The following CFAP47 variants were observed in gnomAD, a reference collection of about 807,000 sequenced individuals.
The protein encoded by CFAP47 is cilia- and flagella-associated protein 47.
A neutral mutation model predicts 148.1 loss-of-function variants in CFAP47; 29 were observed. That is an observed-to-expected ratio of 0.20 (90% confidence interval 0.15 to 0.27). The LOEUF (loss-of-function observed/expected upper bound fraction) is 0.27. Ranked by LOEUF, CFAP47 falls within the 10% of genes least tolerant of loss-of-function variation. The probability of loss-of-function intolerance (pLI) is 1.00; values close to 1 mark genes in which losing one functional copy is unlikely to be tolerated. For missense variants in CFAP47, 1,872 were observed against 1,697.5 expected (o/e 1.10, Z -1.81); for synonymous variants, 664 against 577.3 (o/e 1.15, Z -2.15).
chrX:35,924,314 T>C lies in CFAP47; in HGVS notation c.250-1703T>C, dbSNP rs191035481. The stretch of plus-strand genomic sequence containing the variant: ...GTATGTGTACACATATGTATATATG[T>C]ACATGTATGTGTATATGTGTACATA... On this transcript the variant is annotated intron_variant, in intron 1 of 63. Transcript: ENST00000378653. Among the ~76,000 whole-genome samples, 92 of 106,627 alleles carry C rather than the reference T, an allele frequency of 8.6e-4. 8 individuals are homozygous for C. Among genetic ancestry groups the C allele is most frequent in the African/African-American group, 3.2e-3 (89 of 27,903 alleles). 92.6% of individuals were successfully genotyped at this position (106,627 alleles called of 115,157 possible).
intron 59 of CFAP47, among the ~76,000 whole-genome samples, chrX:36,351,941 T>G (rs1201877611): frequency 8.9e-6 from 1 of 111,955 alleles, no homozygotes. Flanking sequence ...TGCTCACCTA[T>G]ATCATTAGCA....
chrX:36,083,831 G>A (rs775764716), intron 29 of CFAP47, among the ~76,000 whole-genome samples: 25 of 110,791 alleles, frequency 2.3e-4, no homozygotes, highest in Non-Finnish European at 4.0e-4. Flanking sequence ...GGCAACTATG[G>A]AGTTATTAAA....
At chrX:36,116,360 C>T (rs1444671421) in intron 33 of CFAP47, among the ~76,000 whole-genome samples, 1 of 112,182 alleles carries the variant, frequency 8.9e-6, no homozygotes, top group African/African-American at 3.2e-5. Context: ...ATAATGGCCT[C>T]CAGCTCCATC....
intron 30 of CFAP47, among the ~76,000 whole-genome samples, chrX:36,087,099 T>C (rs1569254777): frequency 9.0e-6 from 1 of 111,702 alleles, no homozygotes; most frequent in East Asian, 2.8e-4. Context: ...AATATAGGAA[T>C]CCCTCTCCCT....
chrX:36,333,649 C>T (rs1204162548), intron 57 of CFAP47, among the ~76,000 whole-genome samples: 5 of 111,368 alleles, frequency 4.5e-5, no homozygotes, highest in Admixed American at 3.8e-4. Flanking sequence ...CCTCAATTAC[C>T]TGCTCTTTAC....
chrX:36,057,359 G>A (rs1249528358), intron 26 of CFAP47, among the ~76,000 whole-genome samples: 7 of 111,764 alleles, frequency 6.3e-5, no homozygotes, highest in African/African-American at 2.3e-4. Flanking sequence ...AAATTAAACT[G>A]TGAATGGGAA....
At chrX:36,119,172 A>C (rs1231214879) in intron 33 of CFAP47, among the ~76,000 whole-genome samples, 2 of 112,034 alleles carry the variant, frequency 1.8e-5, no homozygotes, top group East Asian at 5.6e-4. Flanking sequence ...AAAGGCTTTC[A>C]GTTATTCCCC....
intron 8 of CFAP47, among the ~76,000 whole-genome samples, chrX:35,962,960 T>C (rs1053667447): frequency 9.2e-6 from 1 of 108,602 alleles, no homozygotes; most frequent in African/African-American, 3.3e-5. Flanking sequence ...TGTGTGTGTG[T>C]GTGTGTGTGT....
intron 49 of CFAP47, among the ~76,000 whole-genome samples, chrX:36,260,276 T>C (rs782287324): frequency 7.5e-4 from 84 of 112,157 alleles, no homozygotes; most frequent in South Asian, 5.2e-3. Flanking sequence ...CAAATGATAG[T>C]TCAAAATTCT....
intron 40 of CFAP47, among the ~76,000 whole-genome samples, chrX:36,181,737 G>T (rs1383571548): frequency 8.9e-6 from 1 of 111,804 alleles, no homozygotes; most frequent in Admixed American, 9.5e-5. Flanking sequence ...GAATAACTCA[G>T]AGCCATACAT....
At chrX:36,235,590 C>T (rs897558016) in intron 46 of CFAP47, among the ~76,000 whole-genome samples, 44 of 112,547 alleles carry the variant, frequency 3.9e-4, no homozygotes, top group South Asian at 1.5e-3. Flanking sequence ...CAATGCCTCG[C>T]CCTGCTTCGG....
At chrX:36,013,692 C>G (rs961921388) in intron 21 of CFAP47, among the ~76,000 whole-genome samples, 1 of 111,560 alleles carries the variant, frequency 9.0e-6, no homozygotes, top group Non-Finnish European at 1.9e-5. Flanking sequence ...GAATTTGACT[C>G]CATAATTTTG....
In CFAP47 at chrX:36,125,593, G is replaced by A. The variant is rs142929738; in HGVS notation, c.5321-12365G>A. Among the ~76,000 whole-genome samples the A allele has an allele frequency of 5.1e-3, 562 of 110,436 alleles. 5 individuals carry two copies. Among genetic ancestry groups the A allele is most frequent in the African/African-American group, 0.018 (532 of 30,373 alleles). On this transcript the variant is annotated intron_variant, in intron 33 of 63. Coordinates refer to ENST00000378653, the MANE Select transcript of CFAP47 (RefSeq NM_001304548.2). ...TACATAAGTAAATATATGTTTATTC[G>A]CCAACTGTTTTATCAATGTTTCCAT...
intron 57 of CFAP47, among the ~76,000 whole-genome samples, chrX:36,328,702 G>C (rs782128571): frequency 0.027 from 2,895 of 106,896 alleles, 37 homozygotes; most frequent in Non-Finnish European, 0.041. Context: ...CCCAGCTACT[G>C]GGGAGGCTGA....
intron 60 of CFAP47, among the ~76,000 whole-genome samples, chrX:36,355,423 A>G (rs1487488911): frequency 8.9e-6 from 1 of 112,130 alleles, no homozygotes; most frequent in African/African-American, 3.2e-5. Flanking sequence ...CTGTATTCCA[A>G]TGTTCATTGT....
intron 49 of CFAP47, among the ~76,000 whole-genome samples, chrX:36,259,299 C>G (rs1394926101): frequency 9.0e-6 from 1 of 110,870 alleles, no homozygotes; most frequent in African/African-American, 3.3e-5. Flanking sequence ...GAGAAACTGG[C>G]TTAGGGCATG....
intron 35 of CFAP47, among the ~76,000 whole-genome samples, chrX:36,143,618 A>G (rs1312334075): frequency 9.0e-6 from 1 of 111,178 alleles, no homozygotes. Context: ...ACCAACCCCA[A>G]TACTTTTGTG....
At chrX:36,092,122 TGTG>T (rs954292922) in intron 30 of CFAP47, among the ~76,000 whole-genome samples, 5 of 111,678 alleles carry the variant, frequency 4.5e-5, no homozygotes, top group African/African-American at 9.7e-5. Flanking sequence ...AAAACATAAA[TGTG>T]GTAAATTATA....
chrX:35,963,177 G>A (rs950378161), intron 8 of CFAP47, among the ~76,000 whole-genome samples: 16 of 110,187 alleles, frequency 1.5e-4, no homozygotes, highest in African/African-American at 5.3e-4. Context: ...AGTGGATGGC[G>A]AATAAGGAGA....
Sources: allele counts gnomAD v4.1 joint callset (sites outside exome capture counted in the v4.1 genomes callset), GRCh38; gene constraint gnomAD v4.1.1; transcripts MANE v1.5; gene names NCBI Gene and HGNC (gene_info 2026-07-23, HGNC 2026-07-21).